HECTD2: variants seen among roughly 807,000 people sequenced by gnomAD.
HECTD2 encodes HECT domain E3 ubiquitin protein ligase 2, also known as probable E3 ubiquitin-protein ligase HECTD2.
In HECTD2, 35 loss-of-function variants were observed where a neutral mutation model predicts 103.2. The observed-to-expected ratio is 0.34, with a 90% confidence interval of 0.26 to 0.45. HECTD2 has a LOEUF of 0.45. HECTD2 is among the 20% of genes least tolerant of loss of function. HECTD2 has a pLI of 1.00. For synonymous variants in HECTD2, 281 were observed against 329.9 expected (o/e 0.85, Z 1.61); for missense variants, 596 against 937.4 (o/e 0.64, Z 4.76).
intron 11 of HECTD2, chr10:91,489,475 A>G (rs1292886312): frequency 6.6e-6 from 1 of 152,184 alleles, no homozygotes; most frequent in Non-Finnish European, 1.5e-5. Flanking sequence ...CAAGAATTGT[A>G]TCATTGTTGG....
At chr10:91,477,481 T>C (rs937912632) in intron 5 of HECTD2, among the ~76,000 whole-genome samples, 2 of 152,166 alleles carry the variant, frequency 1.3e-5, no homozygotes, top group African/African-American at 4.8e-5. Flanking sequence ...CACTAAGTGG[T>C]TGAGCAGGGA....
At chr10:91,499,277 A>G (rs894458092) in intron 18 of HECTD2, 127 bp downstream of exon 18, 6 of 596,722 alleles carry the variant, frequency 1.0e-5, no homozygotes, top group Non-Finnish European at 1.4e-5. Flanking sequence ...TTTTAAAAGT[A>G]GAACTAAAAA....
At chr10:91,429,494 A>T (rs1173008690) in intron 2 of HECTD2, among the ~76,000 whole-genome samples, 1 of 152,092 alleles carries the variant, frequency 6.6e-6, no homozygotes, top group Non-Finnish European at 1.5e-5. Context: ...TTTGGCTGTG[A>T]ATCCATCTGG....
intron 2 of HECTD2, among the ~76,000 whole-genome samples, chr10:91,458,726 T>C (rs561065332): frequency 6.6e-6 from 1 of 152,014 alleles, no homozygotes; most frequent in East Asian, 1.9e-4. Context: ...TCACACCTTA[T>C]ACAAAAATAA....
chr10:91,474,042 A>G (rs1415346925), intron 5 of HECTD2, among the ~76,000 whole-genome samples: 1 of 152,224 alleles, frequency 6.6e-6, no homozygotes, highest in Non-Finnish European at 1.5e-5. Context: ...ATAACAACAC[A>G]TAAGTAGAGG....
At chr10:91,482,418 A>C (rs967581275) in intron 7 of HECTD2, among the ~76,000 whole-genome samples, 1 of 151,902 alleles carries the variant, frequency 6.6e-6, no homozygotes, top group African/African-American at 2.4e-5. Context: ...AGTTGTCAGA[A>C]GCTGTATGTG....
chr10:91,511,544 C>T (rs1441885936), intron 20 of HECTD2, among the ~76,000 whole-genome samples: 1 of 152,116 alleles, frequency 6.6e-6, no homozygotes, highest in Non-Finnish European at 1.5e-5. Flanking sequence ...AGTTTTTCCA[C>T]AGAACCAGGG....
intron 8 of HECTD2, chr10:91,484,127 C>T: frequency 6.0e-6 from 3 of 497,422 alleles, no homozygotes; most frequent in Non-Finnish European, 1.1e-5. Flanking sequence ...TGGAAATGTG[C>T]ATGTCAGGAG....
chr10:91,474,375 G>A (rs1268354790), intron 5 of HECTD2, among the ~76,000 whole-genome samples: 2 of 152,112 alleles, frequency 1.3e-5, no homozygotes, highest in Admixed American at 1.3e-4. Context: ...TCCATGCTAA[G>A]CACAAGAGAT....
chr10:91,510,227 T>C (rs1174550446), intron 20 of HECTD2, among the ~76,000 whole-genome samples: 2 of 152,196 alleles, frequency 1.3e-5, no homozygotes, highest in Non-Finnish European at 2.9e-5. Context: ...CTTGGCAATA[T>C]TTTGTGGTTA....
chr10:91,434,904 A>G (rs1398779529), intron 2 of HECTD2, among the ~76,000 whole-genome samples: 1 of 152,002 alleles, frequency 6.6e-6, no homozygotes, highest in Admixed American at 6.6e-5. Context: ...AAAGATATGT[A>G]TGAAAGCATT....
At chr10:91,450,044 G>C (rs1370745715) in intron 2 of HECTD2, among the ~76,000 whole-genome samples, 1 of 151,976 alleles carries the variant, frequency 6.6e-6, no homozygotes, top group Non-Finnish European at 1.5e-5. Context: ...ATTTCATATA[G>C]AACCAAAAAA....
chr10:91,421,623 T>C (rs1465709272), intron 1 of HECTD2, among the ~76,000 whole-genome samples: 2 of 152,226 alleles, frequency 1.3e-5, no homozygotes, highest in Non-Finnish European at 2.9e-5. Flanking sequence ...AAGCTCGTTA[T>C]AGGTTTTCTG....
intron 2 of HECTD2, among the ~76,000 whole-genome samples, chr10:91,450,078 C>T (rs186504206): frequency 7.2e-5 from 11 of 152,240 alleles, no homozygotes; most frequent in African/African-American, 2.4e-4. Context: ...CAAGACAATC[C>T]TAAGCAAAAA....
At chr10:91,482,555 T>A (rs1251770480) in intron 7 of HECTD2, among the ~76,000 whole-genome samples, 1 of 151,970 alleles carries the variant, frequency 6.6e-6, no homozygotes, top group Non-Finnish European at 1.5e-5. Flanking sequence ...TGCTTTTAAT[T>A]GGATGATAGT....
chr10:91,468,489 C>T (rs548579726), intron 5 of HECTD2, among the ~76,000 whole-genome samples: 34 of 152,182 alleles, frequency 2.2e-4, no homozygotes, highest in Non-Finnish European at 3.8e-4. Flanking sequence ...ACAAGAACTC[C>T]GGCAACTCAA....
chr10:91,473,556 A>G (rs979394136), intron 5 of HECTD2, among the ~76,000 whole-genome samples: 3 of 152,170 alleles, frequency 2.0e-5, no homozygotes, highest in Middle Eastern at 3.2e-3. Flanking sequence ...TTTGAACTGC[A>G]TGAGTTCACT....
rs1338263387 is a variant in HECTD2, at chr10:91,496,358, T to G, written c.1666T>G (p.Cys556Gly). The G allele has an allele frequency of 1.2e-6, 2 of 1,609,204 alleles. No homozygotes were observed. The highest frequency in any genetic ancestry group is 2.7e-5 in the African/African-American group (2 of 74,946). Residue 556 changes from cysteine to glycine, a missense_variant, in exon 15 of 21, where the codon TGT becomes GGT. This residue lies in a region of HECTD2 where 303 missense variants were observed against 522.5 expected (regional missense o/e 0.58). Transcript: ENST00000298068. ...GICNVTVDDL[C>G]QIMPELAHGL... Reference sequence around the variant, plus strand: ...CTGCAATGTTACCGTGGACGACTTATGTCAAATTATGCCTGTAAGTATAAA... The same window carrying G: ...CTGCAATGTTACCGTGGACGACTTAGGTCAAATTATGCCTGTAAGTATAAA...
intron 1 of HECTD2, 149 bp from the exon 2 acceptor site, chr10:91,425,132 T>C (rs947574737): frequency 1.8e-6 from 1 of 568,260 alleles, no homozygotes; most frequent in African/African-American, 2.0e-5. Context: ...AGTTAAGTCC[T>C]AGAAAAGGTA....
Sources: allele counts gnomAD v4.1 joint callset (sites outside exome capture counted in the v4.1 genomes callset), GRCh38; gene constraint gnomAD v4.1.1; regional missense constraint gnomAD v4.1.1; transcripts MANE v1.5; gene names NCBI Gene and HGNC (gene_info 2026-07-23, HGNC 2026-07-21).